The following GRIK4 variants were observed in gnomAD, a reference collection of about 807,000 sequenced individuals.
GRIK4 encodes glutamate ionotropic receptor kainate type subunit 4, also known as glutamate receptor ionotropic, kainate 4.
Under a neutral mutation model 104.9 loss-of-function variants are expected in GRIK4, and 40 were observed. That is an observed-to-expected ratio of 0.38 (90% CI 0.30 to 0.50). The LOEUF is 0.50. Ranked by LOEUF, GRIK4 falls within the 20% of genes least tolerant of loss-of-function variation. GRIK4 has a pLI of 0.93. For missense variants in GRIK4, 1,047 were observed against 1,308.1 expected (o/e 0.80, Z 3.08); for synonymous variants, 485 against 524.9 (o/e 0.92, Z 1.04).
chr11:120,870,545 C>G (rs1565405024), intron 9 of GRIK4: 1 of 151,940 alleles, frequency 6.6e-6, no homozygotes, highest in Admixed American at 6.6e-5. Context: ...AAGAATAAAT[C>G]TGATAGAGCA....
At chr11:120,588,837 A>G (rs1255658703) in intron 1 of GRIK4, among the ~76,000 whole-genome samples, 1 of 152,166 alleles carries the variant, frequency 6.6e-6, no homozygotes, top group Non-Finnish European at 1.5e-5. Flanking sequence ...GCACAATTCT[A>G]GACTCACTGC....
At chr11:120,569,725 A>G (rs1948373729) in intron 1 of GRIK4, among the ~76,000 whole-genome samples, 1 of 152,154 alleles carries the variant, frequency 6.6e-6, no homozygotes, top group Non-Finnish European at 1.5e-5. Context: ...GGCAGAGGAG[A>G]AATTCTGGAC....
chr11:120,969,319 T>G (rs994758970), intron 19 of GRIK4, among the ~76,000 whole-genome samples: 3 of 152,052 alleles, frequency 2.0e-5, no homozygotes, highest in Non-Finnish European at 4.4e-5. Context: ...GTGGATTGGA[T>G]AGAATGAACT....
At chr11:120,744,114 C>T (rs1051642418) in intron 3 of GRIK4, among the ~76,000 whole-genome samples, 5 of 152,154 alleles carry the variant, frequency 3.3e-5, no homozygotes, top group Admixed American at 2.0e-4. Flanking sequence ...GAGTGCAAAG[C>T]GCTTTGCAGT....
intron 20 of GRIK4, among the ~76,000 whole-genome samples, chr11:120,985,196 G>T (rs914595870): frequency 6.6e-6 from 1 of 152,174 alleles, no homozygotes; most frequent in Admixed American, 6.5e-5. Flanking sequence ...TTCCTTGTAA[G>T]TTTGATGCAA....
chr11:120,637,042 C>T (rs973140023), intron 1 of GRIK4, among the ~76,000 whole-genome samples: 5 of 151,990 alleles, frequency 3.3e-5, no homozygotes, highest in Non-Finnish European at 7.4e-5. Flanking sequence ...CCATGGGCCT[C>T]CCCAGACGTA....
intron 1 of GRIK4, among the ~76,000 whole-genome samples, chr11:120,606,150 A>G (rs931283544): frequency 6.6e-6 from 1 of 152,200 alleles, no homozygotes; most frequent in African/African-American, 2.4e-5. Context: ...TTTATTGAAT[A>G]TCGCATTTTG....
At chr11:120,692,594 C>T (rs990807425) in intron 3 of GRIK4, among the ~76,000 whole-genome samples, 9 of 152,042 alleles carry the variant, frequency 5.9e-5, no homozygotes, top group African/African-American at 1.7e-4. Flanking sequence ...TAAAGCTGGC[C>T]GGATGAAGGG....
chr11:120,878,115 A>G (rs568179844), intron 11 of GRIK4, among the ~76,000 whole-genome samples: 40 of 152,034 alleles, frequency 2.6e-4, no homozygotes, highest in Admixed American at 5.9e-4. Flanking sequence ...TCAGCCCCCA[A>G]CCCAGGCCAG....
chr11:120,968,263 C>T (rs1014062405), intron 19 of GRIK4, among the ~76,000 whole-genome samples: 1 of 152,198 alleles, frequency 6.6e-6, no homozygotes. Flanking sequence ...AGTCTTGTTT[C>T]TATCTATTGT....
At chr11:120,857,805 T>G (rs1257615881) in intron 8 of GRIK4, among the ~76,000 whole-genome samples, 1 of 152,192 alleles carries the variant, frequency 6.6e-6, no homozygotes, top group Non-Finnish European at 1.5e-5. Context: ...CTAGATGCAG[T>G]GTGAACTTCA....
At chr11:120,771,426 A>G (rs763574782) in intron 3 of GRIK4, among the ~76,000 whole-genome samples, 17 of 152,364 alleles carry the variant, frequency 1.1e-4, no homozygotes, top group Non-Finnish European at 2.2e-4. Flanking sequence ...AACTGGATAT[A>G]TGACTGAGGA....
chr11:120,728,103 A>G (rs977906623), intron 3 of GRIK4, among the ~76,000 whole-genome samples: 1 of 152,190 alleles, frequency 6.6e-6, no homozygotes, highest in African/African-American at 2.4e-5. Context: ...TTAACTCAGA[A>G]GAACCAAGAC....
chr11:120,615,549 C>T (rs568890462), intron 1 of GRIK4, among the ~76,000 whole-genome samples: 2 of 152,318 alleles, frequency 1.3e-5, no homozygotes, highest in East Asian at 3.9e-4. Context: ...TGCCCGGGCT[C>T]TGGCTCTCTT....
At chr11:120,824,389 G>C (rs1407664707) in intron 6 of GRIK4, among the ~76,000 whole-genome samples, 1 of 152,146 alleles carries the variant, frequency 6.6e-6, no homozygotes, top group African/African-American at 2.4e-5. Context: ...GCTCACCACT[G>C]TGGGTGCCCA....
intron 3 of GRIK4, among the ~76,000 whole-genome samples, chr11:120,663,017 A>G (rs1228895181): frequency 6.6e-6 from 1 of 152,202 alleles, no homozygotes; most frequent in Non-Finnish European, 1.5e-5. Context: ...TGGGTAAAAG[A>G]AAGGGATTTT....
intron 3 of GRIK4, among the ~76,000 whole-genome samples, chr11:120,722,479 A>G (rs1950950724): frequency 6.6e-6 from 1 of 152,100 alleles, no homozygotes; most frequent in Non-Finnish European, 1.5e-5. Context: ...GTGGTGGAGC[A>G]TGCCTGTAAT....
At chr11:120,687,673 A>G (rs946941301) in intron 3 of GRIK4, among the ~76,000 whole-genome samples, 1 of 152,110 alleles carries the variant, frequency 6.6e-6, no homozygotes, top group African/African-American at 2.4e-5. Context: ...ACTCATTGCT[A>G]GGCAGAGTAA....
At chr11:120,659,530 A>G (rs769359894) in intron 2 of GRIK4, among the ~76,000 whole-genome samples, 3 of 152,096 alleles carry the variant, frequency 2.0e-5, no homozygotes, top group South Asian at 2.1e-4. Flanking sequence ...ACATGTGAGG[A>G]CACTGAGCCG....
Sources: allele counts gnomAD v4.1 joint callset (sites outside exome capture counted in the v4.1 genomes callset), GRCh38; gene constraint gnomAD v4.1.1; transcripts MANE v1.5; gene names NCBI Gene and HGNC (gene_info 2026-07-23, HGNC 2026-07-21).